Variants in TMEM135 observed in about 807,000 individuals in gnomAD.
The protein encoded by TMEM135 is peroxisomal membrane protein 52.
Under a neutral mutation model 60.3 loss-of-function variants are expected in TMEM135, and 30 were observed. The observed-to-expected ratio is 0.50, with a 90% confidence interval of 0.37 to 0.68. TMEM135 has a LOEUF of 0.68. Ranked by LOEUF, TMEM135 falls within the 30% of genes least tolerant of loss-of-function variation. TMEM135 has a pLI of 0.00. For synonymous variants in TMEM135, 190 were observed against 186.7 expected (o/e 1.02, Z -0.14); for missense variants, 468 against 548.8 (o/e 0.85, Z 1.47).
intron 5 of TMEM135, among the ~76,000 whole-genome samples, chr11:87,234,150 T>C (rs555794957): frequency 1.2e-3 from 179 of 152,136 alleles, no homozygotes; most frequent in Non-Finnish European, 2.0e-3. Context: ...TTTTCTCTTA[T>C]AGTGTCTCTG....
chr11:87,147,082 G>C (rs1938435920), intron 4 of TMEM135, among the ~76,000 whole-genome samples: 1 of 152,154 alleles, frequency 6.6e-6, no homozygotes, highest in South Asian at 2.1e-4. Flanking sequence ...AGCACTCTGG[G>C]AAGCCGAGAC....
Position 87,166,625 on chromosome 11 carries a change from C to T in TMEM135, c.462+9219C>T, listed in dbSNP as rs1006452342. Among the ~76,000 whole-genome samples, 11 of 151,390 alleles carry T rather than the reference C, an allele frequency of 7.3e-5. 1 individual carries two copies. Among genetic ancestry groups the T allele is most frequent in the East Asian group, 3.9e-4 (2 of 5,180 alleles). ...AGATCAGATAGTTGTAGATGTGTGG[C>T]GTTATTTCTGAGGCCTCTGTTCTGT... On this transcript the variant is annotated intron_variant, in intron 5 of 14. Transcript: ENST00000305494.
Position 87,321,227 on chromosome 11 carries a change from T to C in TMEM135, c.1271T>C (p.Leu424Pro), listed in dbSNP as rs1565171499. 2 of 1,613,636 alleles carry C rather than the reference T, an allele frequency of 1.2e-6. No homozygotes were observed. Residue 424 changes from leucine (L) to proline (P), a missense_variant, in exon 15 of 15, where the codon CTT becomes CCT. Transcript: ENST00000305494. Reference sequence around the variant, plus strand: ...TTTGCTGTCATGAACCGAAAAGTCCTTGATGTTTTTGGTACTGGTGCATCT... The same window carrying C: ...TTTGCTGTCATGAACCGAAAAGTCCCTGATGTTTTTGGTACTGGTGCATCT... Reference protein sequence around the residue: ...GKFAVMNRKVLDVFGTGASKH... With the variant: ...GKFAVMNRKVPDVFGTGASKH...
chr11:87,093,444 C>G (rs780421382), intron 4 of TMEM135, among the ~76,000 whole-genome samples: 1 of 152,056 alleles, frequency 6.6e-6, no homozygotes, highest in Non-Finnish European at 1.5e-5. Context: ...CTCTTGGGCT[C>G]GAGTGATCCT....
intron 1 of TMEM135, 23 bp from the exon 2 acceptor site, chr11:87,067,671 C>CA: frequency 5.0e-6 from 8 of 1,612,716 alleles, no homozygotes; most frequent in Non-Finnish European, 6.8e-6. Context: ...TTGGATTAAA[C>CA]AAAAAATCCT....
intron 6 of TMEM135, among the ~76,000 whole-genome samples, chr11:87,244,780 T>G (rs1053915180): frequency 2.1e-5 from 3 of 140,400 alleles, no homozygotes; most frequent in African/African-American, 5.4e-5. Flanking sequence ...TATCAATTTT[T>G]TTGATCCTTT....
At position 87,259,091 on chromosome 11, in the gene TMEM135, C is replaced by T. The variant is rs138939495; in HGVS notation, c.509+22407C>T. 1,017 of 1,064,666 alleles carry T rather than the reference C, an allele frequency of 9.6e-4. 6 individuals carry two copies. In the African/African-American group the frequency reaches 0.014, roughly 14 times the overall value. 66.0% of individuals were successfully genotyped at this position (1,064,666 alleles called of 1,614,324 possible). The stretch of plus-strand genomic sequence containing the variant: ...AGGGAGAGAAAGAAGAGGTTCTGGC[C>T]GCAGACCGGACCCTCTTCGGAAACA... On this transcript the variant is annotated intron_variant, in intron 6 of 14. Coordinates refer to ENST00000305494, the MANE Select transcript of TMEM135 (RefSeq NM_022918.4).
chr11:87,203,764 A>C (rs1035741310), intron 5 of TMEM135, among the ~76,000 whole-genome samples: 2 of 152,178 alleles, frequency 1.3e-5, no homozygotes, highest in African/African-American at 4.8e-5. Flanking sequence ...AATATGTTTA[A>C]TTTTGTAAGA....
rs903633943 is a variant in TMEM135 at position 87,323,484 on chromosome 11, C to G, written c.*2151C>G. 1 of 453,808 alleles carries G rather than the reference C, an allele frequency of 2.2e-6. No individual in the cohort carries two copies. Among genetic ancestry groups the G allele is most frequent in the African/African-American group, 2.0e-5 (1 of 49,982 alleles). The allele number at this position is 453,808 out of a possible 1,614,324, so 28.1% of individuals were successfully genotyped here. A position where few individuals can be genotyped will look rare whatever the true frequency, so the allele number is the denominator to read the frequency against. ...TAACTAATCAGGTATTGATTGACAA[C>G]TTTTTGGCATTATAAATAAAGTAAA... On this transcript the variant is annotated 3_prime_UTR_variant, in exon 15 of 15. Coordinates refer to ENST00000305494, the MANE Select transcript of TMEM135 (RefSeq NM_022918.4).
chr11:87,170,465 T>A (rs1485360485), intron 5 of TMEM135, among the ~76,000 whole-genome samples: 1 of 152,142 alleles, frequency 6.6e-6, no homozygotes, highest in Non-Finnish European at 1.5e-5. Flanking sequence ...TCCGATGGGG[T>A]TTCTGTGTGG....
At position 87,313,457 on chromosome 11, in the gene TMEM135, C is replaced by G. The variant is rs1942675126; in HGVS notation, c.969C>G (p.Asn323Lys). 1 of 1,610,772 alleles carries G rather than the reference C, an allele frequency of 6.2e-7. No individual in the cohort carries two copies. The highest frequency in any genetic ancestry group is 1.3e-5 in the African/African-American group (1 of 74,726). ...GTTGCTTCCTGCGCTGGATCAGAAA[C>G]TTAGATGATGAACTACATGCTATTA... ...GTSCFLRWIRNLDDELHAIIA... is the reference protein window; with the variant it reads ...GTSCFLRWIRKLDDELHAIIA... The change falls in exon 11 of 15, where the codon AAC becomes AAG. Residue 323 changes from asparagine (N) to lysine (K), a missense_variant. Asn to Lys is a moderately conservative substitution (Grantham distance 94). Transcript: ENST00000305494.
intron 4 of TMEM135, among the ~76,000 whole-genome samples, chr11:87,109,469 G>C (rs1426633717): frequency 6.6e-6 from 1 of 152,180 alleles, no homozygotes; most frequent in African/African-American, 2.4e-5. Context: ...TTGGTGTACT[G>C]TGCTCACCTT....
chr11:87,069,161 C>CT (rs1214537140), intron 2 of TMEM135, among the ~76,000 whole-genome samples: 3 of 151,588 alleles, frequency 2.0e-5, no homozygotes, highest in African/African-American at 7.3e-5. Flanking sequence ...TGGCATGCGC[C>CT]TGTAGTCCCA....
intron 4 of TMEM135, among the ~76,000 whole-genome samples, chr11:87,112,790 G>A (rs951133759): frequency 6.6e-6 from 1 of 151,570 alleles, no homozygotes; most frequent in African/African-American, 2.4e-5. Flanking sequence ...AAATTATATG[G>A]CTGAATGGCA....
chr11:87,321,623 T>C lies in TMEM135; in HGVS notation c.*290T>C. 1.8e-6 allele frequency: 1 copy of C among 554,114 alleles called. No individual in the cohort carries two copies. The highest frequency in any genetic ancestry group is 3.4e-6 in the Non-Finnish European group (1 of 294,130). 34.3% of individuals were successfully genotyped at this position (554,114 alleles called of 1,614,324 possible). A position where few individuals can be genotyped will look rare whatever the true frequency, so the allele number is the denominator to read the frequency against. On this transcript the variant is annotated 3_prime_UTR_variant, in exon 15 of 15. Transcript: ENST00000305494. ...CACAAGCAATATTATATAATCTACG[T>C]AGAAGTGTAATAACAAACAAGAGTA...
At chr11:87,176,138 A>T (rs1019065433) in intron 5 of TMEM135, among the ~76,000 whole-genome samples, 1 of 152,076 alleles carries the variant, frequency 6.6e-6, no homozygotes, top group African/African-American at 2.4e-5. Flanking sequence ...GGTGGGGCCT[A>T]ATGGGAGGTG....
At chr11:87,175,409 T>C (rs1362474287) in intron 5 of TMEM135, among the ~76,000 whole-genome samples, 1 of 152,186 alleles carries the variant, frequency 6.6e-6, no homozygotes, top group Admixed American at 6.5e-5. Context: ...AGGCCAAAGG[T>C]CAAACCAAGA....
intron 1 of TMEM135, among the ~76,000 whole-genome samples, chr11:87,056,816 A>G (rs749042788): frequency 1.3e-5 from 2 of 152,208 alleles, no homozygotes; most frequent in Non-Finnish European, 2.9e-5. Flanking sequence ...TTTGTCACCC[A>G]GTATTCTTAT....
intron 4 of TMEM135, among the ~76,000 whole-genome samples, chr11:87,155,535 C>G (rs1403575688): frequency 6.6e-6 from 1 of 152,122 alleles, no homozygotes; most frequent in Non-Finnish European, 1.5e-5. Context: ...ATGTGTGCAG[C>G]AAGTCAGTAC....
Sources: gnomAD v4.1 joint callset for allele counts (sites outside exome capture counted in the v4.1 genomes callset) on GRCh38, gnomAD v4.1.1 for gene constraint, MANE v1.5 for transcripts, NCBI Gene and HGNC (gene_info 2026-07-23, HGNC 2026-07-21) for gene names.